Variants in CCDC7 observed in about 807,000 individuals in gnomAD.
CCDC7 encodes the protein coiled-coil domain-containing protein 7.
CCDC7 carries 183 observed loss-of-function variants against 196.9 expected under a neutral mutation model. The observed-to-expected ratio is 0.93, with a 90% CI of 0.82 to 1.05. The LOEUF (loss-of-function observed/expected upper bound fraction) is 1.05, where lower values mean the gene tolerates loss of function less well. CCDC7 is among the 50% of genes least tolerant of loss of function. The pLI is 0.00. For missense variants in CCDC7, 1,540 were observed against 1,482.2 expected (o/e 1.04, Z -0.64); for synonymous variants, 525 against 484.6 (o/e 1.08, Z -1.10).
chr10:32,708,571 A>G (rs1403167161), intron 24 of CCDC7, among the ~76,000 whole-genome samples: 2 of 152,220 alleles, frequency 1.3e-5, no homozygotes, highest in East Asian at 3.8e-4. Flanking sequence ...CAATCTACCC[A>G]TGTGACAAAG....
At chr10:32,838,716 C>T (rs1397622757) in intron 33 of CCDC7, among the ~76,000 whole-genome samples, 1 of 151,948 alleles carries the variant, frequency 6.6e-6, no homozygotes, top group African/African-American at 2.4e-5. Context: ...AGTAAAGAAT[C>T]TTAAGAGCTG....
At chr10:32,816,295 G>A (rs1445156859) in intron 31 of CCDC7, among the ~76,000 whole-genome samples, 4 of 152,218 alleles carry the variant, frequency 2.6e-5, no homozygotes, top group Non-Finnish European at 5.9e-5. Flanking sequence ...GTGGAGGGGT[G>A]CCTGCGATTG....
rs74830847 is a variant in CCDC7, at chr10:32,787,866, C to A, written c.3013+8782C>A. Among the ~76,000 whole-genome samples, 1,122 of 152,248 alleles carry A rather than the reference C, an allele frequency of 7.4e-3. 16 individuals are homozygous for A. The highest frequency in any genetic ancestry group is 0.018 in the Admixed American group (277 of 15,294). ...CTATTCCAGGACATCTCCACAGACT[C>A]AAGCTTCAGGCCTGCCCCTGAAGGC... On this transcript the variant is annotated intron_variant, in intron 29 of 41. Transcript: ENST00000639629.
chr10:32,666,230 A>G (rs79095856), intron 21 of CCDC7, among the ~76,000 whole-genome samples: 4,230 of 151,674 alleles, frequency 0.028, 217 homozygotes, highest in African/African-American at 0.097. Flanking sequence ...CTGAGACCTA[A>G]AGATGATGAA....
chr10:32,457,002 A>T (rs2034493845), intron 3 of CCDC7, among the ~76,000 whole-genome samples: 1 of 150,402 alleles, frequency 6.6e-6, no homozygotes, highest in Admixed American at 6.7e-5. Flanking sequence ...TTGTGGTGGG[A>T]ACATTCAAAA....
chr10:32,768,468 C>A (rs2078661549), intron 28 of CCDC7, among the ~76,000 whole-genome samples: 1 of 152,102 alleles, frequency 6.6e-6, no homozygotes, highest in South Asian at 2.1e-4. Flanking sequence ...TATCAGTGAA[C>A]AAAGATGATT....
chr10:32,790,661 G>T (rs899930640), intron 29 of CCDC7, among the ~76,000 whole-genome samples: 1 of 152,154 alleles, frequency 6.6e-6, no homozygotes, highest in Non-Finnish European at 1.5e-5. Context: ...TAGGGCCTGA[G>T]CCTTTGGAAT....
At chr10:32,553,023 T>A (rs1308879224) in intron 13 of CCDC7, among the ~76,000 whole-genome samples, 2 of 151,872 alleles carry the variant, frequency 1.3e-5, no homozygotes, top group South Asian at 2.1e-4. Flanking sequence ...TTTTCTAAGA[T>A]TTTAGAATTC....
intron 28 of CCDC7, among the ~76,000 whole-genome samples, chr10:32,760,212 A>C (rs1411751441): frequency 1.3e-5 from 2 of 152,080 alleles, no homozygotes; most frequent in African/African-American, 4.8e-5. Flanking sequence ...CTAGAACTAG[A>C]AATACCATTT....
intron 9 of CCDC7, chr10:32,512,592 G>A (rs1024045976): frequency 1.3e-5 from 2 of 152,078 alleles, no homozygotes; most frequent in African/African-American, 4.8e-5. Context: ...AGACCTAAAT[G>A]TAAGAAAATA....
At chr10:32,469,483 C>T (rs2037501644) in intron 5 of CCDC7, among the ~76,000 whole-genome samples, 1 of 152,214 alleles carries the variant, frequency 6.6e-6, no homozygotes, top group African/African-American at 2.4e-5. Flanking sequence ...GGAGCTCGAA[C>T]TCACTGGGAA....
At chr10:32,612,378 A>T (rs911639595) in intron 18 of CCDC7, among the ~76,000 whole-genome samples, 1 of 152,022 alleles carries the variant, frequency 6.6e-6, no homozygotes, top group African/African-American at 2.4e-5. Context: ...AGAGAATTTG[A>T]CTTCCTCTCA....
chr10:32,756,693 A>G (rs993869158), intron 28 of CCDC7, among the ~76,000 whole-genome samples: 2 of 152,218 alleles, frequency 1.3e-5, no homozygotes, highest in Non-Finnish European at 2.9e-5. Flanking sequence ...AATTGCATCA[A>G]TTAAAGAGCA....
At chr10:32,711,444 A>C (rs2080824312) in intron 24 of CCDC7, among the ~76,000 whole-genome samples, 176 bp from the exon 26 acceptor site, 1 of 152,196 alleles carries the variant, frequency 6.6e-6, no homozygotes, top group Non-Finnish European at 1.5e-5. Context: ...ATACATCTTC[A>C]ACATACATTG....
At chr10:32,661,317 AAAC>A (rs547998421) in intron 20 of CCDC7, among the ~76,000 whole-genome samples, 179 of 151,236 alleles carry the variant, frequency 1.2e-3, no homozygotes, top group African/African-American at 4.0e-3. Context: ...AAAAGTCAGG[AAAC>A]AACAGGTGCT....
chr10:32,599,605 A>AT (rs1352368648), intron 18 of CCDC7, among the ~76,000 whole-genome samples: 1 of 151,794 alleles, frequency 6.6e-6, no homozygotes, highest in African/African-American at 2.4e-5. Context: ...TTTGTGGTTA[A>AT]TATGGGGATT....
intron 5 of CCDC7, among the ~76,000 whole-genome samples, chr10:32,470,037 G>A (rs947025693): frequency 6.6e-6 from 1 of 152,054 alleles, no homozygotes; most frequent in African/African-American, 2.4e-5. Context: ...AATTTCCTTA[G>A]GTCTCCTGCT....
chr10:32,687,732 C>T (rs147166757), intron 22 of CCDC7, among the ~76,000 whole-genome samples: 151 of 152,234 alleles, frequency 9.9e-4, no homozygotes, highest in Admixed American at 2.0e-3. Flanking sequence ...TTGGTCTAAC[C>T]CCTAATTTTG....
chr10:32,868,787 C>G (rs1383197632), intron 41 of CCDC7, among the ~76,000 whole-genome samples: 2 of 147,128 alleles, frequency 1.4e-5, no homozygotes, highest in Non-Finnish European at 3.0e-5. Context: ...TCTCACTGTT[C>G]AATTCCCACC....
Sources: allele counts gnomAD v4.1 joint callset (sites outside exome capture counted in the v4.1 genomes callset), GRCh38; gene constraint gnomAD v4.1.1; transcripts MANE v1.5; gene names NCBI Gene and HGNC (gene_info 2026-07-23, HGNC 2026-07-21).